CDH12: variants seen among roughly 807,000 people sequenced by gnomAD.
CDH12 encodes the protein cadherin-12.
A neutral mutation model predicts 74.1 loss-of-function variants in CDH12; 41 were observed. The ratio of observed to expected loss-of-function variants is 0.55; its 90% CI spans 0.43 to 0.72. The LOEUF (loss-of-function observed/expected upper bound fraction) is 0.72. Among genes scored for constraint, CDH12 ranks in the 30% least tolerant of loss-of-function variants. The pLI is 0.00. For synonymous variants in CDH12, 399 were observed against 355.0 expected (o/e 1.12, Z -1.39); for missense variants, 945 against 977.2 (o/e 0.97, Z 0.44).
chr5:22,780,831 G>T (rs1747352399), intron 1 of CDH12, among the ~76,000 whole-genome samples: 1 of 152,004 alleles, frequency 6.6e-6, no homozygotes, highest in Non-Finnish European at 1.5e-5. Flanking sequence ...TTTTATAAAA[G>T]AACTTTTCCA....
intron 11 of CDH12, among the ~76,000 whole-genome samples, chr5:21,776,195 A>T (rs931718116): frequency 6.6e-6 from 1 of 152,166 alleles, no homozygotes; most frequent in African/African-American, 2.4e-5. Flanking sequence ...GCAGCTTCGG[A>T]TCAAACAGCA....
At chr5:22,258,219 T>C (rs1221191749) in intron 3 of CDH12, among the ~76,000 whole-genome samples, 1 of 152,150 alleles carries the variant, frequency 6.6e-6, no homozygotes, top group African/African-American at 2.4e-5. Flanking sequence ...AAACAAAGAA[T>C]GTATCCTTAG....
chr5:22,068,861 C>T (rs1393649964), intron 5 of CDH12, among the ~76,000 whole-genome samples: 1 of 152,208 alleles, frequency 6.6e-6, no homozygotes, highest in Non-Finnish European at 1.5e-5. Context: ...ACCAACAACA[C>T]ACAGACTTCC....
intron 4 of CDH12, among the ~76,000 whole-genome samples, chr5:22,103,656 C>G (rs1325501332): frequency 6.6e-6 from 1 of 152,134 alleles, no homozygotes; most frequent in Non-Finnish European, 1.5e-5. Flanking sequence ...TAATACAGCT[C>G]ATGAAGAAAT....
chr5:22,537,750 T>C (rs758254305), intron 1 of CDH12, among the ~76,000 whole-genome samples: 14 of 152,170 alleles, frequency 9.2e-5, no homozygotes, highest in Non-Finnish European at 1.9e-4. Flanking sequence ...CTGACCGAAA[T>C]TGTCCAGAAG....
chr5:22,289,541 C>T (rs1364828516), intron 3 of CDH12, among the ~76,000 whole-genome samples: 3 of 152,126 alleles, frequency 2.0e-5, no homozygotes, highest in Admixed American at 6.6e-5. Flanking sequence ...CAGCAATAGT[C>T]CTTCCACAGA....
At chr5:22,807,399 T>A (rs1176896763) in intron 1 of CDH12, among the ~76,000 whole-genome samples, 1 of 152,202 alleles carries the variant, frequency 6.6e-6, no homozygotes, top group Non-Finnish European at 1.5e-5. Flanking sequence ...TCATACCCAA[T>A]TAAATCTCAT....
chr5:22,308,809 AACACACACAC>A (rs774664506), intron 3 of CDH12, among the ~76,000 whole-genome samples: 4,224 of 85,346 alleles, frequency 0.049, 143 homozygotes, highest in African/African-American at 0.099. Context: ...CAAATACACA[AACACACACAC>A]ACACACACAC....
chr5:22,634,944 T>C (rs1202636087), intron 1 of CDH12, among the ~76,000 whole-genome samples: 2 of 151,720 alleles, frequency 1.3e-5, no homozygotes, highest in African/African-American at 2.4e-5. Flanking sequence ...GAACCACATA[T>C]TTAACACAAT....
At chr5:22,670,387 A>G (rs931082644) in intron 1 of CDH12, among the ~76,000 whole-genome samples, 7 of 152,168 alleles carry the variant, frequency 4.6e-5, no homozygotes, top group Non-Finnish European at 7.3e-5. Context: ...CATATTTTTA[A>G]ATAACATTAA....
intron 5 of CDH12, among the ~76,000 whole-genome samples, chr5:22,054,084 G>T (rs1316265330): frequency 1.3e-5 from 2 of 151,790 alleles, no homozygotes; most frequent in Non-Finnish European, 2.9e-5. Context: ...TGATGATGTA[G>T]TTTTTACTCT....
rs926423980 is a variant in CDH12 at position 22,645,664 on chromosome 5, C to T, written c.-522-140300G>A. On this transcript the variant is annotated intron_variant, in intron 1 of 14. Coordinates refer to ENST00000382254, the MANE Select transcript of CDH12 (RefSeq NM_004061.5). ...AAATTTCATCAAATAGCATCATATG[C>T]TACAGAGGAATCTTTCATGAAAGGA... 2.6e-5 allele frequency among the ~76,000 whole-genome samples: 4 copies of T among 152,008 alleles called. No homozygotes were observed. In the South Asian group the frequency reaches 8.3e-4, roughly 32 times the overall value.
intron 6 of CDH12, among the ~76,000 whole-genome samples, chr5:21,890,731 G>T (rs1752859520): frequency 6.6e-6 from 1 of 151,996 alleles, no homozygotes; most frequent in Non-Finnish European, 1.5e-5. Flanking sequence ...AAACATGTTA[G>T]GATTCTCTAT....
Position 21,817,112 on chromosome 5 carries a change from G to T in CDH12, c.835C>A (p.Pro279Thr). ...FPKSIFHLKV[P>T]ESSPIGSAIG... is the part of the protein sequence containing the mutation. The stretch of plus-strand genomic sequence containing the variant: ...GCTGAACCAATAGGGGAAGACTCAG[G>T]AACTTTCAAGTGGAAGATGCCTGAT... The change falls in exon 9 of 15, where the codon CCT becomes ACT. Residue 279 changes from proline (P) to threonine (T), a missense_variant. Pro to Thr is a conservative substitution (Grantham distance 38, BLOSUM62 -1). Around this residue, in one of 3 missense-constraint regions of CDH12, gnomAD observed 791 missense variants for 792.8 expected, o/e 1.00. Transcript: ENST00000382254. 1 of 1,610,038 alleles carries T rather than the reference G, an allele frequency of 6.2e-7. No homozygotes were observed.
rs144302543 is a variant in CDH12, at chr5:22,838,995, C to G, written c.-523+14063G>C. 6.5e-3 allele frequency among the ~76,000 whole-genome samples: 988 copies of G among 152,014 alleles called. 9 individuals carry two copies. The highest frequency in any genetic ancestry group is 9.4e-3 in the Non-Finnish European group (639 of 67,960). On this transcript the variant is annotated intron_variant, in intron 1 of 14. Transcript: ENST00000382254. ...CCCAGCCTTAAAATGTATAGATTAG[C>G]CTTTTAGGCAAATTTGTCACTTAAG...
intron 3 of CDH12, among the ~76,000 whole-genome samples, chr5:22,382,747 A>G (rs973934646): frequency 3.9e-5 from 6 of 152,112 alleles, no homozygotes; most frequent in African/African-American, 1.4e-4. Context: ...TATTAATTTT[A>G]TATTTCTAAA....
At chr5:22,116,711 A>T (rs981040233) in intron 4 of CDH12, among the ~76,000 whole-genome samples, 1 of 152,054 alleles carries the variant, frequency 6.6e-6, no homozygotes, top group African/African-American at 2.4e-5. Context: ...GCCCCACCAC[A>T]GTAGACTTCA....
At chr5:22,658,403 T>C (rs1418128095) in intron 1 of CDH12, among the ~76,000 whole-genome samples, 1 of 152,184 alleles carries the variant, frequency 6.6e-6, no homozygotes, top group Non-Finnish European at 1.5e-5. Flanking sequence ...AATTCTAATG[T>C]ATAAAGGTAT....
chr5:22,408,318 A>C (rs2126465693), intron 2 of CDH12, among the ~76,000 whole-genome samples: 1 of 152,040 alleles, frequency 6.6e-6, no homozygotes, highest in Non-Finnish European at 1.5e-5. Flanking sequence ...TGACAATATA[A>C]TGAGGGATAA....
Sources: gnomAD v4.1 joint callset for allele counts (sites outside exome capture counted in the v4.1 genomes callset) on GRCh38, gnomAD v4.1.1 for gene constraint, gnomAD v4.1.1 regional missense constraint, MANE v1.5 for transcripts, NCBI Gene and HGNC (gene_info 2026-07-23, HGNC 2026-07-21) for gene names.